HYDIN: variants seen among roughly 807,000 people sequenced by gnomAD.
The protein encoded by HYDIN is axonemal central pair apparatus protein HYDIN.
In HYDIN, 132 loss-of-function variants were observed where a neutral mutation model predicts 403.9. The observed-to-expected ratio is 0.33, with a 90% confidence interval of 0.28 to 0.38. The LOEUF is 0.38. HYDIN is among the 10% of genes least tolerant of loss of function. The pLI is 1.00. For missense variants in HYDIN, 2,827 were observed against 5,009.5 expected, an observed-to-expected ratio of 0.56 and a Z score of 13.15; for synonymous variants, 1,202 against 1,891.7, an observed-to-expected ratio of 0.64 and a Z score of 9.46.
chr16:71,222,498 G>C (rs1191016417), intron 1 of HYDIN, among the ~76,000 whole-genome samples: 1 of 151,896 alleles, frequency 6.6e-6, no homozygotes, highest in Non-Finnish European at 1.5e-5. Context: ...CAACCAGCAA[G>C]AGAAAAAAAT....
chr16:71,224,559 CTTTT>C (rs34595246), intron 1 of HYDIN, among the ~76,000 whole-genome samples: 1 of 117,386 alleles, frequency 8.5e-6, no homozygotes, highest in African/African-American at 3.1e-5. Flanking sequence ...TAAGGTTTTT[CTTTT>C]TTTTTTTTTT....
chr16:71,165,156 C>T (rs1213583466), intron 5 of HYDIN, among the ~76,000 whole-genome samples: 2 of 151,150 alleles, frequency 1.3e-5, no homozygotes, highest in East Asian at 2.0e-4. Flanking sequence ...GCTGCTTCTC[C>T]GCTGAAAAGT....
At chr16:70,977,746 C>A (rs549959009) in intron 30 of HYDIN, among the ~76,000 whole-genome samples, 1 of 145,794 alleles carries the variant, frequency 6.9e-6, no homozygotes, top group East Asian at 2.1e-4. Flanking sequence ...TTTTGTCTTC[C>A]TATCCCAGCC....
At chr16:71,173,317 T>A (rs1205093966) in intron 5 of HYDIN, among the ~76,000 whole-genome samples, 1 of 152,148 alleles carries the variant, frequency 6.6e-6, no homozygotes, top group Non-Finnish European at 1.5e-5. Flanking sequence ...ATTAGGGGTT[T>A]CCCAATAAAC....
chr16:70,881,698 T>G (rs548139570), intron 60 of HYDIN, among the ~76,000 whole-genome samples: 82 of 151,898 alleles, frequency 5.4e-4, no homozygotes, highest in Admixed American at 1.4e-3. Context: ...TCCCCAACCA[T>G]ACCTCTCTGC....
chr16:71,125,146 A>G (rs374968812), intron 9 of HYDIN, among the ~76,000 whole-genome samples: 293 of 151,856 alleles, frequency 1.9e-3, no homozygotes, highest in African/African-American at 6.6e-3. Flanking sequence ...GAGCCTTTAA[A>G]TGTGAGGGCC....
At chr16:71,055,783 C>T (rs930900146) in intron 18 of HYDIN, among the ~76,000 whole-genome samples, 4 of 151,816 alleles carry the variant, frequency 2.6e-5, no homozygotes, top group African/African-American at 9.7e-5. Context: ...ATCTGAGTCC[C>T]AAGGTGTCAC....
intron 8 of HYDIN, among the ~76,000 whole-genome samples, chr16:71,130,246 G>A (rs1282336619): frequency 6.6e-6 from 1 of 152,036 alleles, no homozygotes; most frequent in Non-Finnish European, 1.5e-5. Flanking sequence ...TTAGTTACCT[G>A]GAGCATAGAA....
At chr16:71,216,756 G>A (rs1208427333) in intron 1 of HYDIN, among the ~76,000 whole-genome samples, 3 of 152,164 alleles carry the variant, frequency 2.0e-5, no homozygotes, top group Admixed American at 2.0e-4. Flanking sequence ...ATCAACTGAG[G>A]ATCACCTAGT....
chr16:70,902,828 T>A lies in HYDIN; in HGVS notation c.8849+797A>T, dbSNP rs1419277267. Among the ~76,000 whole-genome samples, 226 of 127,208 alleles carry A rather than the reference T, an allele frequency of 1.8e-3. 5 individuals are homozygous for A. Among genetic ancestry groups the A allele is most frequent in the African/African-American group, 6.4e-3 (195 of 30,698 alleles). The allele number at this position is 127,208 out of a possible 152,430, so 83.5% of individuals were successfully genotyped here. A position where few individuals can be genotyped will look rare whatever the true frequency, so the allele number is the denominator to read the frequency against. On this transcript the variant is annotated intron_variant, in intron 52 of 85. Coordinates refer to ENST00000393567, the MANE Select transcript of HYDIN (RefSeq NM_001270974.2). ...ATATATATATATATATATATTTTTT[T>A]TTTTTTTTTTGTCCCACTCTCTCTC... is the stretch of plus-strand genomic sequence containing the variant.
At chr16:71,050,381 G>C in intron 18 of HYDIN, among the ~76,000 whole-genome samples, 1 of 125,740 alleles carries the variant, frequency 8.0e-6, no homozygotes, top group East Asian at 2.0e-4. Context: ...GTAAACTACA[G>C]ATCTCTAGCA....
chr16:70,936,963 G>A (rs2077512444), intron 44 of HYDIN, among the ~76,000 whole-genome samples: 1 of 151,138 alleles, frequency 6.6e-6, no homozygotes, highest in African/African-American at 2.4e-5. Context: ...TGCCCCTGCT[G>A]CTGACAGCAG....
intron 18 of HYDIN, among the ~76,000 whole-genome samples, chr16:71,041,539 T>C (rs2081287386): frequency 6.6e-5 from 10 of 151,422 alleles, no homozygotes; most frequent in Admixed American, 6.6e-4. Context: ...GTAAAAATGA[T>C]CTGTAGACGA....
Position 70,807,934 on chromosome 16 carries a change from G to A in HYDIN, c.15012C>T (p.Ile5004=), listed in dbSNP as rs1404124047. 1 of 1,614,142 alleles carries A rather than the reference G, an allele frequency of 6.2e-7. No individual in the cohort carries two copies. Residue 5004 remains isoleucine, a synonymous_variant, in exon 86 of 86, where the codon ATC becomes ATT. Coordinates refer to ENST00000393567, the MANE Select transcript of HYDIN (RefSeq NM_001270974.2). ...SHLGETKGIL[I]LSSLAGGEYI... is the part of the protein sequence containing the mutation. ...ACTCTCCACCTGCGAGCGATGATAG[G>A]ATCAGGATGCCCTTGGTCTCACCCA... is the stretch of plus-strand genomic sequence containing the variant.
chr16:70,915,117 ACCT>A (rs2076798803), intron 47 of HYDIN, among the ~76,000 whole-genome samples: 1 of 151,272 alleles, frequency 6.6e-6, no homozygotes, highest in African/African-American at 2.4e-5. Flanking sequence ...TTAATAACTA[ACCT>A]CCTGAATTCT....
intron 10 of HYDIN, among the ~76,000 whole-genome samples, chr16:71,103,981 G>GTA (rs1395592735): frequency 6.6e-6 from 1 of 152,226 alleles, no homozygotes; most frequent in East Asian, 1.9e-4. Flanking sequence ...TATGGGTCTT[G>GTA]TATACATTTT....
At chr16:71,174,746 G>T (rs1218078498) in intron 5 of HYDIN, among the ~76,000 whole-genome samples, 1 of 152,154 alleles carries the variant, frequency 6.6e-6, no homozygotes, top group Non-Finnish European at 1.5e-5. Context: ...CCCCACCACT[G>T]CAGTGGTACT....
At chr16:70,947,442 C>A (rs1026301259) in intron 41 of HYDIN, among the ~76,000 whole-genome samples, 52 of 151,882 alleles carry the variant, frequency 3.4e-4, no homozygotes, top group African/African-American at 1.2e-3. Flanking sequence ...TTCGGTTTGC[C>A]AGTATTTTAT....
At chr16:70,906,879 A>G (rs2076552100) in intron 50 of HYDIN, among the ~76,000 whole-genome samples, 3 of 152,152 alleles carry the variant, frequency 2.0e-5, no homozygotes, top group South Asian at 2.1e-4. Context: ...GGTTTCCCCA[A>G]TAGCGCTAGC....
Sources: allele counts gnomAD v4.1 joint callset (sites outside exome capture counted in the v4.1 genomes callset), GRCh38; gene constraint gnomAD v4.1.1; transcripts MANE v1.5; gene names NCBI Gene and HGNC (gene_info 2026-07-23, HGNC 2026-07-21).